Variants in HMG20A observed in about 807,000 individuals in gnomAD.
HMG20A encodes high mobility group 20A.
HMG20A carries 17 observed loss-of-function variants against 43.9 expected under a neutral mutation model. That is an observed-to-expected ratio of 0.39 (90% CI 0.27 to 0.58). The LOEUF (loss-of-function observed/expected upper bound fraction) is 0.58, where lower values mean the gene tolerates loss of function less well. Ranked by LOEUF, HMG20A falls within the 20% of genes least tolerant of loss-of-function variation. The pLI, the probability that HMG20A is intolerant of heterozygous loss-of-function variation, is 0.59. For missense variants in HMG20A, 341 were observed against 438.2 expected (o/e 0.78, Z 1.98); for synonymous variants, 132 against 147.5 (o/e 0.89, Z 0.76).
chr15:77,445,448 G>A (rs766426396), intron 1 of HMG20A, among the ~76,000 whole-genome samples: 7 of 152,172 alleles, frequency 4.6e-5, no homozygotes, highest in Admixed American at 2.6e-4. Flanking sequence ...CAAGACCCCC[G>A]GTAGGATGCC....
rs573325028 is a variant in HMG20A at position 77,424,847 on chromosome 15, T to C, written c.-5+3843T>C. 2.6e-5 allele frequency among the ~76,000 whole-genome samples: 4 copies of C among 152,292 alleles called. No individual in the cohort carries two copies. In the South Asian group the frequency reaches 8.3e-4, roughly 32 times the overall value. ...GTAATTTGAATTGTTACAGGCAGAC[T>C]TTCAACTCATTCTCCTAAACTTATT... On this transcript the variant is annotated intron_variant, in intron 1 of 9. Coordinates refer to ENST00000336216, the MANE Select transcript of HMG20A (RefSeq NM_001304504.2).
At chr15:77,497,682 A>AGAGAGAGAGAGAGTGTGT in the HMG20A span, among the ~76,000 whole-genome samples, 4 of 118,986 alleles carry the variant, frequency 3.4e-5, no homozygotes, top group Admixed American at 1.6e-4. Context: ...AGAGAGAGAG[A>AGAGAGAGAGAGAGTGTGT]GTGTGTGTGT....
Position 77,471,049 on chromosome 15 carries a change from A to C in HMG20A, c.583+7A>C. Reference sequence around the variant, plus strand: ...GGCAAATCTCATAGGCAAGGTATCAAAACCAGAACCAAATGTATTTGTAGT... The same window carrying C: ...GGCAAATCTCATAGGCAAGGTATCACAACCAGAACCAAATGTATTTGTAGT... On this transcript the variant is annotated splice_region_variant and intron_variant, in intron 5 of 9. Coordinates refer to ENST00000336216, the MANE Select transcript of HMG20A (RefSeq NM_001304504.2). 1.2e-6 allele frequency: 2 copies of C among 1,607,180 alleles called. No individual in the cohort carries two copies. The highest frequency in any genetic ancestry group is 1.7e-6 in the Non-Finnish European group (2 of 1,178,122).
At chr15:77,502,925 C>A in the HMG20A span, among the ~76,000 whole-genome samples, 2 of 152,164 alleles carry the variant, frequency 1.3e-5, no homozygotes, top group East Asian at 3.9e-4. Flanking sequence ...AGCTAGGATC[C>A]CACTGGACTC....
chr15:77,488,502 T>C (rs956271693), downstream of HMG20A, among the ~76,000 whole-genome samples: 1 of 152,198 alleles, frequency 6.6e-6, no homozygotes, highest in African/African-American at 2.4e-5. Context: ...GAGATATTTT[T>C]TCCATAAGTG....
intron 9 of HMG20A, among the ~76,000 whole-genome samples, chr15:77,480,342 A>G (rs879417566): frequency 2.0e-5 from 3 of 152,074 alleles, no homozygotes; most frequent in Admixed American, 6.6e-5. Context: ...GGTGGGGCAC[A>G]GTGGCTCACA....
the HMG20A span, among the ~76,000 whole-genome samples, chr15:77,513,769 A>G: frequency 3.4e-5 from 5 of 147,530 alleles, no homozygotes; most frequent in Non-Finnish European, 3.0e-5. Context: ...CTCTGTCGCC[A>G]GGCTGGAGTG....
intron 1 of HMG20A, 117 bp downstream of exon 1, chr15:77,421,121 A>C: frequency 1.7e-5 from 3 of 175,836 alleles, no homozygotes; most frequent in Non-Finnish European, 3.4e-5. Context: ...GGCCGGCTGA[A>C]TGGGGGCGCC....
intron 1 of HMG20A, among the ~76,000 whole-genome samples, chr15:77,436,275 C>A (rs1222020675): frequency 6.6e-6 from 1 of 150,776 alleles, no homozygotes; most frequent in South Asian, 2.1e-4. Context: ...CACTTACACA[C>A]CCCCCTATCC....
chr15:77,496,669 C>G, the HMG20A span, among the ~76,000 whole-genome samples: 34 of 152,286 alleles, frequency 2.2e-4, no homozygotes, highest in African/African-American at 7.9e-4. Context: ...TTTACTTTTT[C>G]CCCCTCTCTG....
At chr15:77,507,117 G>C in the HMG20A span, among the ~76,000 whole-genome samples, 1 of 152,328 alleles carries the variant, frequency 6.6e-6, no homozygotes, top group Non-Finnish European at 1.5e-5. Flanking sequence ...CTGTCTTCAA[G>C]CTGGGATGTC....
In HMG20A at chr15:77,443,352, T is replaced by TATG. The variant is rs771200087; in HGVS notation, c.-4-15025_-4-15023dup. On this transcript the variant is annotated intron_variant, in intron 1 of 9. Transcript: ENST00000336216. Reference sequence around the variant, plus strand: ...TCTTTGTTCTTATATATCTATTTTTTATGATGATGATGATGATGATGATGA... The same window carrying TATG: ...TCTTTGTTCTTATATATCTATTTTTTATGATGATGATGATGATGATGATGATGA... 6.9e-3 allele frequency among the ~76,000 whole-genome samples: 977 copies of TATG among 141,744 alleles called. 9 individuals carry two copies. The highest frequency in any genetic ancestry group is 0.011 in the Middle Eastern group (3 of 276). 93.0% of individuals were successfully genotyped at this position (141,744 alleles called of 152,430 possible).
At chr15:77,491,115 C>A in the HMG20A span, among the ~76,000 whole-genome samples, 1 of 152,208 alleles carries the variant, frequency 6.6e-6, no homozygotes, top group African/African-American at 2.4e-5. Flanking sequence ...ATATAAAAAT[C>A]ATGCCATAAC....
At chr15:77,500,948 T>G in the HMG20A span, among the ~76,000 whole-genome samples, 1 of 152,232 alleles carries the variant, frequency 6.6e-6, no homozygotes, top group Non-Finnish European at 1.5e-5. Context: ...TTGTCCTTCC[T>G]GCTCTGCAAG....
chr15:77,480,419 T>G (rs1299900511), intron 9 of HMG20A, among the ~76,000 whole-genome samples: 1 of 151,796 alleles, frequency 6.6e-6, no homozygotes, highest in Non-Finnish European at 1.5e-5. Context: ...AAGACCAGCT[T>G]GGGCAAAATA....
At chr15:77,494,139 G>C in the HMG20A span, among the ~76,000 whole-genome samples, 1 of 108,424 alleles carries the variant, frequency 9.2e-6, no homozygotes, top group South Asian at 3.7e-4. Context: ...AACTTTTTTT[G>C]TTGTTGTTGA....
At chr15:77,434,781 G>A (rs932240942) in intron 1 of HMG20A, among the ~76,000 whole-genome samples, 3 of 152,118 alleles carry the variant, frequency 2.0e-5, no homozygotes, top group African/African-American at 7.2e-5. Context: ...AAACTCATAT[G>A]TTTCTGGTAG....
chr15:77,450,674 A>G (rs1332270609), intron 1 of HMG20A, among the ~76,000 whole-genome samples: 1 of 152,242 alleles, frequency 6.6e-6, no homozygotes, highest in Non-Finnish European at 1.5e-5. Context: ...GGTAAGCAGT[A>G]CAGTAGCATC....
intron 1 of HMG20A, among the ~76,000 whole-genome samples, chr15:77,425,958 A>G (rs1167757449): frequency 6.6e-6 from 1 of 152,240 alleles, no homozygotes; most frequent in Non-Finnish European, 1.5e-5. Flanking sequence ...ACAAAGTAGC[A>G]ATACCTGCTG....
Sources: gnomAD v4.1 joint callset for allele counts (sites outside exome capture counted in the v4.1 genomes callset) on GRCh38, gnomAD v4.1.1 for gene constraint, MANE v1.5 for transcripts, NCBI Gene and HGNC (gene_info 2026-07-23, HGNC 2026-07-21) for gene names.